The following GRIP2 variants were observed in gnomAD, a reference collection of about 807,000 sequenced individuals.
The protein encoded by GRIP2 is glutamate receptor interacting protein 2.
GRIP2 carries 58 observed loss-of-function variants against 108.3 expected under a neutral mutation model. The ratio of observed to expected loss-of-function variants is 0.54; its 90% CI spans 0.43 to 0.67. GRIP2 has a LOEUF of 0.67. Ranked by LOEUF, GRIP2 falls within the 30% of genes least tolerant of loss-of-function variation. The pLI is 0.00. For synonymous variants in GRIP2, 586 were observed against 598.2 expected (o/e 0.98, Z 0.30); for missense variants, 1,278 against 1,430.6 (o/e 0.89, Z 1.72).
upstream of GRIP2, chr3:14,540,492 G>A: frequency 2.8e-6 from 4 of 1,427,196 alleles, no homozygotes; most frequent in East Asian, 1.0e-4. This position sits in a 1 kb window ranked among gnomAD's most constrained non-coding sequence, Gnocchi z 4.1. Context: ...TGTCAAGGCT[G>A]GCTCCAGGAC....
At chr3:14,581,403 G>A in the GRIP2 span, among the ~76,000 whole-genome samples, 9 of 152,312 alleles carry the variant, frequency 5.9e-5, no homozygotes, top group Middle Eastern at 6.8e-3. Context: ...GAGACTGACT[G>A]CAGAGGGGGT....
chr3:14,497,361 G>A (rs112219276), intron 21 of GRIP2, among the ~76,000 whole-genome samples: 2 of 152,214 alleles, frequency 1.3e-5, no homozygotes, highest in African/African-American at 4.8e-5. Context: ...CAGAGGTGAG[G>A]CACTCGGGAA....
the GRIP2 span, chr3:14,574,363 G>T: frequency 4.2e-6 from 4 of 955,386 alleles, no homozygotes; most frequent in East Asian, 5.1e-5. Context: ...CGCTGGTTCC[G>T]CCGCGGCCCC....
the GRIP2 span, among the ~76,000 whole-genome samples, chr3:14,601,552 C>T: frequency 1.8e-4 from 27 of 152,342 alleles, no homozygotes; most frequent in African/African-American, 6.5e-4. Flanking sequence ...GGAGGGTCTG[C>T]TCCCTCGCTG....
the GRIP2 span, chr3:14,574,023 G>A: frequency 4.8e-6 from 7 of 1,453,092 alleles, no homozygotes; most frequent in Non-Finnish European, 6.7e-6. Context: ...GAGGGCCTCC[G>A]AGCTGGGCCC....
At chr3:14,601,059 C>A in the GRIP2 span, among the ~76,000 whole-genome samples, 4 of 144,648 alleles carry the variant, frequency 2.8e-5, no homozygotes, top group African/African-American at 5.3e-5. Context: ...TCACCCATCT[C>A]TCTCTCTCAC....
In GRIP2 at chr3:14,552,530, C is replaced by T. The variant is rs150858008; in HGVS notation, c.55+3370G>A. ...TTCTGCCCACCCTATAGTCCTGGCT[C>T]CTCACCTCCTGCCTGGGTCCCACCC... is the stretch of plus-strand genomic sequence containing the variant. On this transcript the variant is annotated intron_variant, in intron 1 of 23. Coordinates refer to the GRIP2 transcript ENST00000637182. 2.8e-3 allele frequency among the ~76,000 whole-genome samples: 419 copies of T among 152,264 alleles called. 1 individual carries two copies. Among genetic ancestry groups the T allele is most frequent in the African/African-American group, 9.7e-3 (401 of 41,528 alleles).
At chr3:14,593,302 G>A in the GRIP2 span, among the ~76,000 whole-genome samples, 7 of 152,218 alleles carry the variant, frequency 4.6e-5, no homozygotes, top group Admixed American at 6.5e-5. Context: ...AAGCCACTCC[G>A]ACTTTCCTCT....
the GRIP2 span, among the ~76,000 whole-genome samples, chr3:14,602,983 C>T: frequency 0.051 from 7,510 of 147,708 alleles, 273 homozygotes; most frequent in Non-Finnish European, 0.08. The surrounding 1 kb of genome is among the most constrained non-coding windows in gnomAD (Gnocchi z 4.7). Flanking sequence ...AGCCCCGCAT[C>T]CCCGCGGCCG....
upstream of GRIP2, among the ~76,000 whole-genome samples, chr3:14,560,115 A>G (rs574801150): frequency 3.9e-5 from 6 of 151,986 alleles, no homozygotes; most frequent in Admixed American, 3.3e-4. Flanking sequence ...TTAGCCTGGC[A>G]TGGTGGTGCA....
chr3:14,513,914 T>G, intron 12 of GRIP2, 104 bp from the exon 13 acceptor site: 1 of 1,368,128 alleles, frequency 7.3e-7, no homozygotes, highest in Non-Finnish European at 9.9e-7. Flanking sequence ...CACCTCCTGG[T>G]CTGGGGTGAC....
At chr3:14,526,406 CA>C (rs766791905) in intron 1 of GRIP2, among the ~76,000 whole-genome samples, 15 of 152,290 alleles carry the variant, frequency 9.8e-5, no homozygotes, top group Non-Finnish European at 1.9e-4. Context: ...AACGCAGGCA[CA>C]GCAGCTCATG....
chr3:14,502,760 CATAA>C lies in GRIP2; in HGVS notation c.2679+802_2679+805del, dbSNP rs532895000. Reference sequence around the variant, plus strand: ...ACCATGAAAAGGATCATGACTTAAGCATAAATAAAGTGGAAGGAAGAGACTATCA... The same window carrying C: ...ACCATGAAAAGGATCATGACTTAAGCATAAAGTGGAAGGAAGAGACTATCA... On this transcript the variant is annotated intron_variant, in intron 21 of 23. Transcript: ENST00000621039. Among the ~76,000 whole-genome samples, 125 of 151,922 alleles carry C rather than the reference CATAA, an allele frequency of 8.2e-4. 2 individuals carry two copies. In the East Asian group the frequency reaches 0.02, roughly 24 times the overall value.
intron 3 of GRIP2, 142 bp from the exon 4 acceptor site, chr3:14,524,680 G>T: frequency 1.1e-6 from 1 of 951,336 alleles, no homozygotes; most frequent in Non-Finnish European, 1.5e-6. Flanking sequence ...AGAGAGGTCA[G>T]ACAGTTGTCC....
intron 10 of GRIP2, among the ~76,000 whole-genome samples, chr3:14,517,489 T>C: frequency 8.7e-6 from 1 of 115,378 alleles, no homozygotes; most frequent in Non-Finnish European, 1.6e-5. Flanking sequence ...ACCTAATCTC[T>C]CTCTCTTTTT....
chr3:14,560,376 G>T (rs1465395232), upstream of GRIP2, among the ~76,000 whole-genome samples: 1 of 152,164 alleles, frequency 6.6e-6, no homozygotes, highest in Non-Finnish European at 1.5e-5. Context: ...TTTTCTCCCA[G>T]CAATGTCACC....
In GRIP2 at chr3:14,525,456, G is replaced by C; in HGVS notation, c.238C>G (p.Pro80Ala). The change falls in exon 3 of 24, where the codon CCT becomes GCT. Residue 80 changes from proline (P) to alanine (A), a missense_variant. Pro to Ala is a conservative substitution (Grantham distance 27). Transcript: ENST00000621039. Reference sequence around the variant, plus strand: ...TCTCACCTGGCTGCAAGTCCCCCAGGTCTCAGGTTGGAGACCCTGGGCTTT... The same window carrying C: ...TCTCACCTGGCTGCAAGTCCCCCAGCTCTCAGGTTGGAGACCCTGGGCTTT... ...DGKPRVSNLRPGGLAARSDLL... is the reference protein window; with the variant it reads ...DGKPRVSNLRAGGLAARSDLL... 1 of 1,612,618 alleles carries C rather than the reference G, an allele frequency of 6.2e-7. No individual in the cohort carries two copies.
upstream of GRIP2, among the ~76,000 whole-genome samples, chr3:14,557,386 A>G (rs1485726640): frequency 6.6e-6 from 1 of 152,158 alleles, no homozygotes; most frequent in Non-Finnish European, 1.5e-5. Flanking sequence ...ATTTTAAACA[A>G]AGACAGAGCA....
chr3:14,592,421 G>A, the GRIP2 span, among the ~76,000 whole-genome samples: 2 of 152,232 alleles, frequency 1.3e-5, no homozygotes, highest in South Asian at 2.1e-4. Flanking sequence ...TGGTAAAGGA[G>A]TCGGGGAAAG....
Sources: allele counts gnomAD v4.1 joint callset (sites outside exome capture counted in the v4.1 genomes callset), GRCh38; gene constraint gnomAD v4.1.1; non-coding constraint Gnocchi (gnomAD v3.1); transcripts MANE v1.5; gene names NCBI Gene and HGNC (gene_info 2026-07-23, HGNC 2026-07-21).